Variants in GABBR2 observed in about 807,000 individuals in gnomAD.
GABBR2 encodes the protein gamma-aminobutyric acid type B receptor subunit 2.
Under a neutral mutation model 105.6 loss-of-function variants are expected in GABBR2, and 23 were observed. The ratio of observed to expected loss-of-function variants is 0.22; its 90% CI spans 0.16 to 0.31. The LOEUF (loss-of-function observed/expected upper bound fraction) is 0.31. Ranked by LOEUF, GABBR2 falls within the 10% of genes least tolerant of loss-of-function variation. The pLI is 1.00. For missense variants in GABBR2, 734 were observed against 1,245.5 expected, an observed-to-expected ratio of 0.59 and a Z score of 6.18; for synonymous variants, 478 against 499.7, an observed-to-expected ratio of 0.96 and a Z score of 0.58.
intron 1 of GABBR2, among the ~76,000 whole-genome samples, chr9:98,702,782 T>C (rs964535836): frequency 5.3e-5 from 8 of 152,222 alleles, no homozygotes; most frequent in African/African-American, 1.9e-4. Context: ...CTATATGATC[T>C]TCCCTTTCTC....
chr9:98,505,369 AG>A (rs757561413), intron 3 of GABBR2, among the ~76,000 whole-genome samples: 1 of 152,072 alleles, frequency 6.6e-6, no homozygotes. Context: ...CTGCTGCACA[AG>A]GGGAATAGCT....
At chr9:98,498,893 G>A (rs1827341255) in intron 3 of GABBR2, among the ~76,000 whole-genome samples, 1 of 152,258 alleles carries the variant, frequency 6.6e-6, no homozygotes, top group Admixed American at 6.5e-5. Flanking sequence ...TTATTAAACA[G>A]GGAAAACATG....
chr9:98,294,698 G>A (rs1461932302), intron 17 of GABBR2, among the ~76,000 whole-genome samples: 2 of 152,062 alleles, frequency 1.3e-5, no homozygotes, highest in Admixed American at 6.5e-5. Context: ...GGGTGGTCTC[G>A]AACTCCTGAC....
At position 98,577,974 on chromosome 9, in the gene GABBR2, G is replaced by A. The variant is rs1004160731; in HGVS notation, c.420C>T (p.Ser140=). 5.0e-6 allele frequency: 8 copies of A among 1,613,872 alleles called. No homozygotes were observed. Among genetic ancestry groups the A allele is most frequent in the African/African-American group, 2.7e-5 (2 of 74,928 alleles). Reference sequence around the variant, plus strand: ...AGCCTTGGAGGGACTCTGCAATGATGGATGTGACGGATGGACAGACGCCTC... The same window carrying A: ...AGCCTTGGAGGGACTCTGCAATGATAGATGTGACGGATGGACAGACGCCTC... The part of the protein sequence containing the change: ...VFGGVCPSVT[S]IIAESLQGWN... The change falls in exon 2 of 19, where the codon TCC becomes TCT. Residue 140 remains serine (S), a synonymous_variant. Transcript: ENST00000259455.
intron 1 of GABBR2, among the ~76,000 whole-genome samples, chr9:98,629,254 A>G (rs1397733750): frequency 6.6e-6 from 1 of 152,188 alleles, no homozygotes; most frequent in Non-Finnish European, 1.5e-5. Context: ...AAAAATAGAG[A>G]TTATCCAGGT....
chr9:98,485,187 G>T (rs1290830114), intron 4 of GABBR2, among the ~76,000 whole-genome samples: 3 of 152,176 alleles, frequency 2.0e-5, no homozygotes, highest in Non-Finnish European at 2.9e-5. Flanking sequence ...GAGATGGCCA[G>T]GTCTAGGGTT....
intron 3 of GABBR2, among the ~76,000 whole-genome samples, chr9:98,520,784 G>A (rs1043467438): frequency 1.3e-5 from 2 of 152,194 alleles, no homozygotes; most frequent in African/African-American, 2.4e-5. Flanking sequence ...GCCAGGATGT[G>A]GCTCAGGACG....
intron 7 of GABBR2, among the ~76,000 whole-genome samples, chr9:98,431,907 A>AT (rs1031807516): frequency 1.1e-4 from 16 of 150,898 alleles, no homozygotes; most frequent in Non-Finnish European, 1.8e-4. Flanking sequence ...TATTATCACT[A>AT]TTTTTTGAGA....
At chr9:98,383,936 GC>G (rs1218949187) in intron 11 of GABBR2, among the ~76,000 whole-genome samples, 2 of 152,178 alleles carry the variant, frequency 1.3e-5, no homozygotes, top group African/African-American at 4.8e-5. Flanking sequence ...CTCACTGCTA[GC>G]CTTCAGCCCT....
At chr9:98,527,087 A>T (rs1003959577) in intron 3 of GABBR2, among the ~76,000 whole-genome samples, 33 of 148,010 alleles carry the variant, frequency 2.2e-4, no homozygotes, top group African/African-American at 7.9e-4. Context: ...TGTTAATAAT[A>T]TATAATAATA....
chr9:98,583,604 T>C (rs924388956), intron 1 of GABBR2, among the ~76,000 whole-genome samples: 4 of 152,292 alleles, frequency 2.6e-5, no homozygotes, highest in African/African-American at 7.2e-5. Flanking sequence ...GGTGGGTGAA[T>C]GTCTCATAAG....
chr9:98,466,369 T>C (rs1445007649), intron 6 of GABBR2, among the ~76,000 whole-genome samples: 2 of 152,238 alleles, frequency 1.3e-5, no homozygotes, highest in Non-Finnish European at 2.9e-5. Context: ...AAAGGCAGTT[T>C]CTGAATTGCT....
intron 1 of GABBR2, among the ~76,000 whole-genome samples, chr9:98,579,861 T>G (rs947728665): frequency 6.6e-6 from 1 of 152,238 alleles, no homozygotes; most frequent in Admixed American, 6.5e-5. Context: ...ATATCTTATC[T>G]GTTTTAGAGG....
chr9:98,600,420 G>A (rs1829312604), intron 1 of GABBR2, among the ~76,000 whole-genome samples: 1 of 152,152 alleles, frequency 6.6e-6, no homozygotes, highest in Admixed American at 6.5e-5. Context: ...CTCCACCTGG[G>A]TGACCCACAG....
chr9:98,315,801 T>C (rs1307378848), intron 13 of GABBR2, among the ~76,000 whole-genome samples: 1 of 152,190 alleles, frequency 6.6e-6, no homozygotes, highest in Non-Finnish European at 1.5e-5. Flanking sequence ...CTACTATAGA[T>C]CGGTGGGGCC....
intron 1 of GABBR2, among the ~76,000 whole-genome samples, chr9:98,648,114 TGTATAGATAG>T (rs1432231443): frequency 2.9e-5 from 3 of 102,350 alleles, no homozygotes; most frequent in Middle Eastern, 4.8e-3. Flanking sequence ...TGTGTGTGTG[TGTATAGATAG>T]ATAGATAGAT....
intron 2 of GABBR2, among the ~76,000 whole-genome samples, chr9:98,543,287 T>G (rs181876470): frequency 3.3e-5 from 5 of 152,072 alleles, no homozygotes; most frequent in Admixed American, 2.0e-4. Flanking sequence ...GTTATCTGGT[T>G]ATAGTTCTAA....
intron 1 of GABBR2, among the ~76,000 whole-genome samples, chr9:98,695,084 C>T (rs1038668413): frequency 6.6e-6 from 1 of 152,224 alleles, no homozygotes; most frequent in African/African-American, 2.4e-5. Flanking sequence ...TTCTCTGTTC[C>T]ACTTAGGGGC....
chr9:98,406,240 C>A (rs983331540), intron 7 of GABBR2, 99 bp from the exon 8 acceptor site: 14 of 629,626 alleles, frequency 2.2e-5, no homozygotes, highest in Admixed American at 9.5e-5. Flanking sequence ...CTGTACAATG[C>A]GATTATTAAT....
Sources: gnomAD v4.1 joint callset for allele counts (sites outside exome capture counted in the v4.1 genomes callset) on GRCh38, gnomAD v4.1.1 for gene constraint, MANE v1.5 for transcripts, NCBI Gene and HGNC (gene_info 2026-07-23, HGNC 2026-07-21) for gene names.